Variants in HIBCH observed in about 807,000 individuals in gnomAD.
HIBCH encodes 3-hydroxyisobutyryl-CoA hydrolase.
A neutral mutation model predicts 58.2 loss-of-function variants in HIBCH; 50 were observed. The ratio of observed to expected loss-of-function variants is 0.86; its 90% CI spans 0.68 to 1.09. The LOEUF (loss-of-function observed/expected upper bound fraction) is 1.09. Ranked by LOEUF, HIBCH falls within the 50% of genes least tolerant of loss-of-function variation. HIBCH has a pLI of 0.00. For missense variants in HIBCH, 450 were observed against 449.7 expected, an observed-to-expected ratio of 1.00 and a Z score of -0.01; for synonymous variants, 151 against 146.9, an observed-to-expected ratio of 1.03 and a Z score of -0.20.
rs144074606 is a variant in HIBCH, at chr2:190,294,607, A to T, written c.243T>A (p.Thr81=). The change falls in exon 4 of 14, where the codon ACT becomes ACA. Residue 81 remains threonine (T), a synonymous_variant. Transcript: ENST00000359678. The part of the protein sequence containing the change: ...QLKKWEQDPE[T]FLIIIKGAGG... ...CTGCTCCCTTTATAATGATCAGGAA[A>T]GTTTCAGGATCTTGTTCCCACTTCT... is the stretch of plus-strand genomic sequence containing the variant. The T allele has an allele frequency of 1.9e-6, 3 of 1,612,402 alleles. No individual in the cohort carries two copies. The highest frequency in any genetic ancestry group is 2.5e-6 in the Non-Finnish European group (3 of 1,179,340).
At chr2:190,270,255 T>A (rs1040377072) in intron 6 of HIBCH, among the ~76,000 whole-genome samples, 7 of 137,562 alleles carry the variant, frequency 5.1e-5, no homozygotes, top group African/African-American at 1.9e-4. Context: ...AAAAATAAAT[T>A]TAGTTATTAC....
In HIBCH at chr2:190,205,170, C is replaced by T. The variant is rs1373779645; in HGVS notation, c.1108G>A (p.Glu370Lys). 1.2e-6 allele frequency: 2 copies of T among 1,611,422 alleles called. No homozygotes were observed. The highest frequency in any genetic ancestry group is 3.3e-5 in the Admixed American group (2 of 60,000). Residue 370 changes from glutamate to lysine, a missense_variant, in exon 14 of 14, where the codon GAA becomes AAA. By Grantham distance (56) the Glu-to-Lys change is moderately conservative. Transcript: ENST00000359678. Reference sequence around the variant, plus strand: ...GACTTAAAGTGATTATTCAAATCTTCCTCAGTAACTTCTTTTAGATCAGCT... The same window carrying T: ...GACTTAAAGTGATTATTCAAATCTTTCTCAGTAACTTCTTTTAGATCAGCT... ...KPADLKEVTEEDLNNHFKSLG... is the reference protein window; with the variant it reads ...KPADLKEVTEKDLNNHFKSLG...
At chr2:190,275,234 T>G (rs1687515608) in intron 6 of HIBCH, among the ~76,000 whole-genome samples, 1 of 152,098 alleles carries the variant, frequency 6.6e-6, no homozygotes, top group African/African-American at 2.4e-5. Context: ...GAGAAGAACC[T>G]AAAATGTTCT....
intron 2 of HIBCH, 50 bp from the exon 3 acceptor site, chr2:190,297,003 A>G (rs1255890486): frequency 3.2e-6 from 5 of 1,545,532 alleles, no homozygotes; most frequent in African/African-American, 2.7e-5. Context: ...AGTTTTTATC[A>G]CAAGCCAACA....
At chr2:190,288,860 C>G (rs1687894694) in intron 5 of HIBCH, among the ~76,000 whole-genome samples, 1 of 152,248 alleles carries the variant, frequency 6.6e-6, no homozygotes, top group Middle Eastern at 3.4e-3. Flanking sequence ...GTCTGTAATC[C>G]CAGTACTTTG....
At chr2:190,269,308 G>A (rs1687324554) in intron 6 of HIBCH, among the ~76,000 whole-genome samples, 1 of 152,080 alleles carries the variant, frequency 6.6e-6, no homozygotes, top group African/African-American at 2.4e-5. Context: ...CCTATGGAAT[G>A]AGAGAAAACT....
intron 11 of HIBCH, among the ~76,000 whole-genome samples, chr2:190,234,385 G>C (rs1686201141): frequency 6.6e-6 from 1 of 152,160 alleles, no homozygotes; most frequent in African/African-American, 2.4e-5. Context: ...ATTTCTAACA[G>C]TAAAATCCTG....
At position 190,217,695 on chromosome 2, in the gene HIBCH, C is replaced by A. The variant is rs10173651; in HGVS notation, c.892-4620G>T. ...CAGTTCACCACTTCCAGGCTGGCAACTCGGTGCTAATTAAAACCTGGAAAG... is the reference window on the plus strand; with the variant it reads ...CAGTTCACCACTTCCAGGCTGGCAAATCGGTGCTAATTAAAACCTGGAAAG... On this transcript the variant is annotated intron_variant, in intron 11 of 13. Transcript: ENST00000359678. This position sits in a 1 kb window ranked among gnomAD's most constrained non-coding sequence, Gnocchi z 4.6. Among the ~76,000 whole-genome samples the A allele has an allele frequency of 8.7e-4, 132 of 152,252 alleles. No individual in the cohort carries two copies. Among genetic ancestry groups the A allele is most frequent in the Middle Eastern group, 3.4e-3 (1 of 294 alleles).
intron 11 of HIBCH, among the ~76,000 whole-genome samples, chr2:190,239,262 T>G (rs937567587): frequency 1.3e-5 from 2 of 152,206 alleles, no homozygotes; most frequent in African/African-American, 4.8e-5. Flanking sequence ...TTGTCAAAGA[T>G]CAGATGGTTG....
chr2:190,273,387 C>T lies in HIBCH; in HGVS notation c.439-12153G>A, dbSNP rs1238246916. Among the ~76,000 whole-genome samples the T allele has an allele frequency of 3.9e-5, 6 of 152,024 alleles. No individual in the cohort carries two copies. The East Asian group carries it at 1.2e-3, about 29-fold the overall frequency. ...CAGCCTGGGTGACAGAGCGAGACTC[C>T]ATCTCAAAAATAAATAAAAATAAAA... is the stretch of plus-strand genomic sequence containing the variant. On this transcript the variant is annotated intron_variant, in intron 6 of 13. Transcript: ENST00000359678.
chr2:190,196,617 A>G (rs971199847), intron 1 of HIBCH, among the ~76,000 whole-genome samples: 7 of 150,908 alleles, frequency 4.6e-5, no homozygotes, highest in African/African-American at 1.7e-4. Flanking sequence ...TGTGAATAAT[A>G]CCTTGTAAGG....
downstream of HIBCH, among the ~76,000 whole-genome samples, chr2:190,199,431 G>A (rs1690133823): frequency 6.9e-6 from 1 of 144,490 alleles, no homozygotes; most frequent in African/African-American, 2.9e-5. Context: ...AATTGTTTTG[G>A]TATAGATAAA....
intron 11 of HIBCH, among the ~76,000 whole-genome samples, chr2:190,226,787 A>C (rs1350591861): frequency 6.6e-6 from 1 of 152,142 alleles, no homozygotes; most frequent in Non-Finnish European, 1.5e-5. Flanking sequence ...CACCATTAAC[A>C]GACAAACAGA....
rs937618045 is a variant in HIBCH, at chr2:190,279,001, A to G, written c.438+8585T>C. Among the ~76,000 whole-genome samples, 1 of 152,220 alleles carries G rather than the reference A, an allele frequency of 6.6e-6. No individual in the cohort carries two copies. The highest frequency in any genetic ancestry group is 2.4e-5 in the African/African-American group (1 of 41,450). On this transcript the variant is annotated intron_variant, in intron 6 of 13. Coordinates refer to ENST00000359678, the MANE Select transcript of HIBCH (RefSeq NM_014362.4). This position sits in a 1 kb window ranked among gnomAD's most constrained non-coding sequence, Gnocchi z 4.2. ...GAGTATCTGAGACTGGGCAATTTAT[A>G]AAGAAAAGGAATCTATGTCTTACAG...
chr2:190,298,120 G>A (rs1420721388), intron 2 of HIBCH, among the ~76,000 whole-genome samples: 1 of 152,000 alleles, frequency 6.6e-6, no homozygotes, highest in Non-Finnish European at 1.5e-5. Flanking sequence ...ATTCCATGGT[G>A]TATATGTGCC....
At chr2:190,302,484 C>T (rs1048867383) in intron 2 of HIBCH, among the ~76,000 whole-genome samples, 4 of 152,184 alleles carry the variant, frequency 2.6e-5, no homozygotes, top group Non-Finnish European at 5.9e-5. Context: ...CTGGCCAGAA[C>T]CACTCCATCA....
chr2:190,285,995 T>C (rs953697161), intron 6 of HIBCH, among the ~76,000 whole-genome samples: 2 of 152,008 alleles, frequency 1.3e-5, no homozygotes, highest in African/African-American at 4.8e-5. Context: ...GTGCACACCA[T>C]CACACCCAAC....
rs547701260 is a variant in HIBCH, at chr2:190,236,117, C to A, written c.891+8770G>T. On this transcript the variant is annotated intron_variant, in intron 11 of 13. Transcript: ENST00000359678. This position sits in a 1 kb window ranked among gnomAD's most constrained non-coding sequence, Gnocchi z 4.1. ...AAAGACGTAACAGAATGGAGACAAG[C>A]AGACAGAGGTGCACACACCTTCATG... Among the ~76,000 whole-genome samples, 52 of 152,198 alleles carry A rather than the reference C, an allele frequency of 3.4e-4. No homozygotes were observed. Among genetic ancestry groups the A allele is most frequent in the Non-Finnish European group, 5.4e-4 (37 of 68,016 alleles).
At position 190,213,042 on chromosome 2, in the gene HIBCH, T is replaced by C. The variant is rs759152882; in HGVS notation, c.925A>G (p.Ile309Val). The C allele has an allele frequency of 1.2e-5, 19 of 1,609,718 alleles. No homozygotes were observed. In the Admixed American group the frequency reaches 2.7e-4, roughly 23 times the overall value. Residue 309 changes from isoleucine to valine, a missense_variant, in exon 12 of 14, where the codon ATC (isoleucine) becomes GTC (valine). Ile to Val is a conservative substitution (Grantham distance 29, BLOSUM62 3). Transcript: ENST00000359678. Reference protein sequence around the residue: ...INKMSPTSLKITLRQLMEGSS... With the variant: ...INKMSPTSLKVTLRQLMEGSS... ...CCCTCCATGAGTTGCCTTAGTGTGA[T>C]CTTTAGAGATGTTGGAGACATTTTA...
Sources: gnomAD v4.1 joint callset for allele counts (sites outside exome capture counted in the v4.1 genomes callset) on GRCh38, gnomAD v4.1.1 for gene constraint, Gnocchi (gnomAD v3.1) non-coding constraint, MANE v1.5 for transcripts, NCBI Gene and HGNC (gene_info 2026-07-23, HGNC 2026-07-21) for gene names.